Variants in EXOC4 observed in about 807,000 individuals in gnomAD.
EXOC4 encodes the protein exocyst complex component 4.
Under a neutral mutation model 107.2 loss-of-function variants are expected in EXOC4, and 71 were observed. The ratio of observed to expected loss-of-function variants is 0.66; its 90% CI spans 0.55 to 0.81. The LOEUF is 0.81. Ranked by LOEUF, EXOC4 falls within the 30% of genes least tolerant of loss-of-function variation. The probability of loss-of-function intolerance (pLI) is 0.00; values close to 1 mark genes in which losing one functional copy is unlikely to be tolerated. For synonymous variants in EXOC4, 456 were observed against 441.2 expected (o/e 1.03, Z -0.42); for missense variants, 1,108 against 1,189.6 (o/e 0.93, Z 1.01).
chr7:133,775,838 T>C (rs1185556701), intron 10 of EXOC4, among the ~76,000 whole-genome samples: 2 of 152,176 alleles, frequency 1.3e-5, no homozygotes, highest in African/African-American at 4.8e-5. Context: ...CTGTCTACAT[T>C]AGAAGAATTG....
chr7:133,415,334 A>G lies in EXOC4; in HGVS notation c.1182+40332A>G, dbSNP rs138937533. Among the ~76,000 whole-genome samples, 407 of 139,742 alleles carry G rather than the reference A, an allele frequency of 2.9e-3. 1 individual carries two copies. The highest frequency in any genetic ancestry group is 4.5e-3 in the Non-Finnish European group (283 of 62,928). 91.7% of individuals were successfully genotyped at this position (139,742 alleles called of 152,430 possible). A position where few individuals can be genotyped will look rare whatever the true frequency, so the allele number is the denominator to read the frequency against. Reference sequence around the variant, plus strand: ...GGATTCCTGGTAACCCTATGTTGGAATAGCCAAATTGTTTTCTAAAGTGGC... The same window carrying G: ...GGATTCCTGGTAACCCTATGTTGGAGTAGCCAAATTGTTTTCTAAAGTGGC... On this transcript the variant is annotated intron_variant, in intron 7 of 17. Transcript: ENST00000253861.
chr7:133,392,048 T>A (rs1467562668), intron 7 of EXOC4, among the ~76,000 whole-genome samples: 1 of 152,196 alleles, frequency 6.6e-6, no homozygotes, highest in African/African-American at 2.4e-5. Context: ...ATACATAGTA[T>A]AAACTGAATG....
intron 11 of EXOC4, among the ~76,000 whole-genome samples, chr7:133,863,846 T>G (rs1408729159): frequency 6.6e-6 from 1 of 152,182 alleles, no homozygotes; most frequent in Non-Finnish European, 1.5e-5. Context: ...AGCAGTTCTA[T>G]TACAATCTAC....
chr7:133,404,341 G>A (rs1797162628), intron 7 of EXOC4, among the ~76,000 whole-genome samples: 1 of 152,010 alleles, frequency 6.6e-6, no homozygotes, highest in Admixed American at 6.6e-5. Context: ...CTGACCTCGT[G>A]ATCCACCCGC....
At chr7:133,588,962 ATG>A (rs765807599) in intron 9 of EXOC4, among the ~76,000 whole-genome samples, 62 of 151,054 alleles carry the variant, frequency 4.1e-4, no homozygotes, top group African/African-American at 4.4e-4. Context: ...GTGTGCACAT[ATG>A]TGTGTGTGTG....
chr7:133,377,277 C>T (rs192357672), intron 7 of EXOC4, among the ~76,000 whole-genome samples: 1 of 152,090 alleles, frequency 6.6e-6, no homozygotes, highest in Non-Finnish European at 1.5e-5. Flanking sequence ...TTGCTTGAAC[C>T]TAGGAGGTGG....
chr7:133,860,163 A>G (rs1170176082), intron 11 of EXOC4, among the ~76,000 whole-genome samples: 2 of 152,168 alleles, frequency 1.3e-5, no homozygotes, highest in East Asian at 3.8e-4. Flanking sequence ...AAAAATCCAA[A>G]GCCTGTAGGC....
intron 3 of EXOC4, among the ~76,000 whole-genome samples, chr7:133,304,468 C>T (rs921213468): frequency 6.6e-6 from 1 of 152,200 alleles, no homozygotes; most frequent in Non-Finnish European, 1.5e-5. Context: ...TTGTCACTCT[C>T]CCATTCCTTG....
chr7:133,654,102 G>C (rs916409091), intron 10 of EXOC4, among the ~76,000 whole-genome samples: 2 of 152,168 alleles, frequency 1.3e-5, no homozygotes, highest in African/African-American at 4.8e-5. Flanking sequence ...AGTGCACTGG[G>C]TGGTCTCTGT....
At chr7:133,428,847 C>A (rs1179232205) in intron 7 of EXOC4, among the ~76,000 whole-genome samples, 1 of 152,162 alleles carries the variant, frequency 6.6e-6, no homozygotes, top group African/African-American at 2.4e-5. Context: ...AAATTGCCTG[C>A]AGTAAGTATC....
chr7:133,605,683 G>C (rs1801927238), intron 9 of EXOC4, among the ~76,000 whole-genome samples: 1 of 152,188 alleles, frequency 6.6e-6, no homozygotes, highest in African/African-American at 2.4e-5. Context: ...ATGCTTAATG[G>C]AATTCTAGTG....
At chr7:133,775,479 T>A (rs1160243682) in intron 10 of EXOC4, among the ~76,000 whole-genome samples, 2 of 152,204 alleles carry the variant, frequency 1.3e-5, no homozygotes, top group Non-Finnish European at 2.9e-5. Flanking sequence ...TATATTCTTG[T>A]CTTTTAGTTT....
rs77910716 is a variant in EXOC4 at position 133,997,243 on chromosome 7, T to G, written c.2207-249T>G. On this transcript the variant is annotated intron_variant, in intron 14 of 17. Coordinates refer to ENST00000253861, the MANE Select transcript of EXOC4 (RefSeq NM_021807.4). ...AGGTTGGTGCAAAAGTAATTATGGT[T>G]TTTGACATTGAAAGTAATACTTTTG... Among the ~76,000 whole-genome samples the G allele has an allele frequency of 9.7e-3, 1,476 of 152,272 alleles. 20 individuals are homozygous for G. The highest frequency in any genetic ancestry group is 0.033 in the African/African-American group (1,383 of 41,554).
chr7:133,417,933 T>G (rs1419836095), intron 7 of EXOC4, among the ~76,000 whole-genome samples: 1 of 152,184 alleles, frequency 6.6e-6, no homozygotes, highest in African/African-American at 2.4e-5. Flanking sequence ...GTAGATGGAT[T>G]TTTTATTTTA....
chr7:133,475,591 G>A (rs1798992445), intron 8 of EXOC4, 118 bp downstream of exon 8: 2 of 888,940 alleles, frequency 2.2e-6, no homozygotes, highest in South Asian at 3.6e-5. Context: ...GTAATTTAGA[G>A]GAAGTGAATA....
At chr7:133,647,465 C>T (rs1328070400) in intron 10 of EXOC4, among the ~76,000 whole-genome samples, 2 of 151,954 alleles carry the variant, frequency 1.3e-5, no homozygotes, top group Non-Finnish European at 2.9e-5. Context: ...ATAGTATCAC[C>T]CCCGTTTTAT....
intron 14 of EXOC4, among the ~76,000 whole-genome samples, chr7:133,986,432 A>G (rs1794115170): frequency 6.6e-6 from 1 of 152,228 alleles, no homozygotes; most frequent in African/African-American, 2.4e-5. Flanking sequence ...TAGTGGCAGA[A>G]GCCAAGTACT....
At chr7:133,339,716 T>C (rs2150623176) in intron 5 of EXOC4, among the ~76,000 whole-genome samples, 1 of 152,300 alleles carries the variant, frequency 6.6e-6, no homozygotes, top group South Asian at 2.1e-4. Context: ...CTTGTAGAGG[T>C]CTTTCACCTC....
intron 4 of EXOC4, among the ~76,000 whole-genome samples, chr7:133,311,923 C>A (rs920434190): frequency 2.0e-5 from 3 of 152,030 alleles, no homozygotes; most frequent in Non-Finnish European, 4.4e-5. Flanking sequence ...TGATCAAAAT[C>A]AAAGACATTG....
Sources: gnomAD v4.1 joint callset for allele counts (sites outside exome capture counted in the v4.1 genomes callset) on GRCh38, gnomAD v4.1.1 for gene constraint, MANE v1.5 for transcripts, NCBI Gene and HGNC (gene_info 2026-07-23, HGNC 2026-07-21) for gene names.